Variants in BAZ2B observed in about 807,000 individuals in gnomAD.
The protein encoded by BAZ2B is bromodomain adjacent to zinc finger domain protein 2B.
Under a neutral mutation model 246.0 loss-of-function variants are expected in BAZ2B, and 91 were observed. That is an observed-to-expected ratio of 0.37 (90% CI 0.31 to 0.44). The LOEUF is 0.44. BAZ2B is among the 20% of genes least tolerant of loss of function. BAZ2B has a pLI of 1.00. For missense variants in BAZ2B, 2,332 were observed against 2,533.7 expected (o/e 0.92, Z 1.71); for synonymous variants, 855 against 860.0 (o/e 0.99, Z 0.10).
At chr2:159,494,982 T>C (rs1362360031) in intron 2 of BAZ2B, among the ~76,000 whole-genome samples, 1 of 152,166 alleles carries the variant, frequency 6.6e-6, no homozygotes, top group Non-Finnish European at 1.5e-5. Flanking sequence ...TGATAGTACC[T>C]GGGTACTAGG....
intron 20 of BAZ2B, among the ~76,000 whole-genome samples, chr2:159,390,100 T>C (rs902983443): frequency 6.6e-6 from 1 of 152,152 alleles, no homozygotes; most frequent in African/African-American, 2.4e-5. Flanking sequence ...CGTTACTTTT[T>C]CATCATATCT....
chr2:159,473,303 T>G (rs569212547), intron 3 of BAZ2B, among the ~76,000 whole-genome samples: 45 of 152,190 alleles, frequency 3.0e-4, no homozygotes, highest in Non-Finnish European at 5.4e-4. Context: ...CTTGGGAGGG[T>G]GTATGTGTCC....
chr2:159,553,375 A>C (rs2088589386), intron 2 of BAZ2B, among the ~76,000 whole-genome samples: 1 of 143,346 alleles, frequency 7.0e-6, no homozygotes, highest in Non-Finnish European at 1.5e-5. Flanking sequence ...AGCCTGGGCA[A>C]GAGTGAGACT....
chr2:159,335,742 T>A (rs7565858), intron 33 of BAZ2B, among the ~76,000 whole-genome samples: 2 of 152,096 alleles, frequency 1.3e-5, no homozygotes, highest in Admixed American at 6.5e-5. Flanking sequence ...AAGAAAGAAC[T>A]CTAAGTTATT....
chr2:159,529,379 C>G (rs2085114795), intron 2 of BAZ2B, among the ~76,000 whole-genome samples: 1 of 151,822 alleles, frequency 6.6e-6, no homozygotes, highest in Admixed American at 6.6e-5. Flanking sequence ...CTTTGTAACT[C>G]TCTCTCATTG....
At chr2:159,634,397 C>T in the BAZ2B span, among the ~76,000 whole-genome samples, 15 of 152,136 alleles carry the variant, frequency 9.9e-5, no homozygotes, top group Admixed American at 7.2e-4. Flanking sequence ...TTACATGAAC[C>T]GCATGTAGAT....
chr2:159,498,412 G>A (rs968955881), intron 2 of BAZ2B, among the ~76,000 whole-genome samples: 2 of 152,076 alleles, frequency 1.3e-5, no homozygotes, highest in African/African-American at 2.4e-5. Flanking sequence ...TATATTAGGC[G>A]ATCCCCTGTC....
At chr2:159,526,137 GA>G (rs748184132) in intron 2 of BAZ2B, among the ~76,000 whole-genome samples, 83 of 152,114 alleles carry the variant, frequency 5.5e-4, no homozygotes, top group Non-Finnish European at 9.7e-4. Context: ...TTAAACTAGA[GA>G]AAGAAATGTA....
chr2:159,425,312 G>A (rs1312476228), intron 13 of BAZ2B, among the ~76,000 whole-genome samples: 1 of 152,138 alleles, frequency 6.6e-6, no homozygotes, highest in Non-Finnish European at 1.5e-5. Context: ...CTCCTGAGTA[G>A]CTGGACTACA....
intron 20 of BAZ2B, among the ~76,000 whole-genome samples, chr2:159,392,569 T>C (rs1275042383): frequency 6.6e-6 from 1 of 152,174 alleles, no homozygotes; most frequent in Non-Finnish European, 1.5e-5. Flanking sequence ...CCTGGACACC[T>C]GGAGAAAGTT....
the BAZ2B span, among the ~76,000 whole-genome samples, chr2:159,676,346 C>T: frequency 6.6e-6 from 1 of 152,088 alleles, no homozygotes; most frequent in Non-Finnish European, 1.5e-5. Flanking sequence ...ATTATCTTTT[C>T]TGAATAAGAT....
At chr2:159,477,506 A>G (rs2150911191) in intron 3 of BAZ2B, among the ~76,000 whole-genome samples, 1 of 152,108 alleles carries the variant, frequency 6.6e-6, no homozygotes. Flanking sequence ...AAATGAAAAC[A>G]TTTATTTGAC....
chr2:159,328,487 A>C (rs1173326776), intron 34 of BAZ2B, among the ~76,000 whole-genome samples: 1 of 152,218 alleles, frequency 6.6e-6, no homozygotes, highest in East Asian at 1.9e-4. Flanking sequence ...CCAATATTTA[A>C]TATTTGGGAG....
chr2:159,460,021 G>T lies in BAZ2B; in HGVS notation c.146-6220C>A, dbSNP rs545126039. On this transcript the variant is annotated intron_variant, in intron 3 of 36. Transcript: ENST00000392783. The stretch of plus-strand genomic sequence containing the variant: ...TTATTTTAGTTTCTATTTTAAGATA[G>T]GTAACTGTATACATTTTACATAATA... The T allele has an allele frequency of 9.2e-5, 14 of 151,938 alleles. No individual in the cohort carries two copies. The South Asian group carries it at 2.7e-3, about 29-fold the overall frequency. 9.4% of individuals were successfully genotyped at this position (151,938 alleles called of 1,614,324 possible). A position where few individuals can be genotyped will look rare whatever the true frequency, so the allele number is the denominator to read the frequency against.
At chr2:159,560,756 T>C (rs1000063131) in intron 1 of BAZ2B, among the ~76,000 whole-genome samples, 1 of 152,060 alleles carries the variant, frequency 6.6e-6, no homozygotes, top group African/African-American at 2.4e-5. Context: ...CTCGAACTCC[T>C]GACCTCATGA....
At chr2:159,388,521 T>G (rs1307232436) in intron 21 of BAZ2B, among the ~76,000 whole-genome samples, 2 of 152,132 alleles carry the variant, frequency 1.3e-5, no homozygotes, top group Non-Finnish European at 2.9e-5. Context: ...AAACTGGAGT[T>G]TGAATCCAAA....
chr2:159,573,760 T>C (rs557900271), intron 1 of BAZ2B, among the ~76,000 whole-genome samples: 2 of 152,186 alleles, frequency 1.3e-5, no homozygotes, highest in Non-Finnish European at 2.9e-5. Context: ...AAGACAGTTG[T>C]ATCCAAAATA....
chr2:159,448,152 AAAAAC>A lies in BAZ2B; in HGVS notation c.502+85_502+89del, dbSNP rs869177651. The A allele has an allele frequency of 3.3e-5, 48 of 1,459,254 alleles. 1 individual carries two copies. The African/African-American group carries it at 3.5e-4, about 11-fold the overall frequency. The allele number at this position is 1,459,254 out of a possible 1,614,324, so 90.4% of individuals were successfully genotyped here. ...TAAAACAAACAAACAAACAAAAACA[AAAAAC>A]AAAAAAAGGTATTAAACCTGAACAT... is the stretch of plus-strand genomic sequence containing the variant. On this transcript the variant is annotated intron_variant, in intron 5 of 36. Coordinates refer to ENST00000392783, the MANE Select transcript of BAZ2B (RefSeq NM_013450.4).
Position 159,346,555 on chromosome 2 carries a change from A to G in BAZ2B, c.5454+931T>C, listed in dbSNP as rs549038976. On this transcript the variant is annotated intron_variant, in intron 31 of 36. Coordinates refer to ENST00000392783, the MANE Select transcript of BAZ2B (RefSeq NM_013450.4). ...CCCCATCTCTACTAAAAATACAAAA[A>G]TTAGTGGGGCATCACGGCATGTACT... 1.7e-4 allele frequency among the ~76,000 whole-genome samples: 26 copies of G among 152,156 alleles called. 1 individual carries two copies. In the South Asian group the frequency reaches 5.4e-3, roughly 32 times the overall value.
Sources: gnomAD v4.1 joint callset for allele counts (sites outside exome capture counted in the v4.1 genomes callset) on GRCh38, gnomAD v4.1.1 for gene constraint, MANE v1.5 for transcripts, NCBI Gene and HGNC (gene_info 2026-07-23, HGNC 2026-07-21) for gene names.